Variants in CDKL2 observed in about 807,000 individuals in gnomAD.
CDKL2 encodes cyclin-dependent kinase-like 2.
In CDKL2, 64 loss-of-function variants were observed where a neutral mutation model predicts 63.9. That is an observed-to-expected ratio of 1.00 (90% CI 0.82 to 1.23). The LOEUF (loss-of-function observed/expected upper bound fraction) is 1.23, where lower values mean the gene tolerates loss of function less well. CDKL2 is among the 50% of genes most tolerant of loss of function. The pLI, the probability that CDKL2 is intolerant of heterozygous loss-of-function variation, is 0.00. For missense variants in CDKL2, 656 were observed against 668.0 expected (o/e 0.98, Z 0.20); for synonymous variants, 211 against 229.2 (o/e 0.92, Z 0.72).
Position 75,605,570 on chromosome 4 carries a change from G to T in CDKL2, c.607C>A (p.Pro203Thr). ...AGCTGATCAATATCAGAATCTCCAG[G>T]AAATAGGGGTTCCCCCATGAACATT... ...TEMFMGEPLF[P>T]GDSDIDQLYH... The change falls in exon 5 of 14, where the codon CCT (proline) becomes ACT (threonine). Residue 203 changes from proline (P) to threonine (T), a missense_variant. Coordinates refer to ENST00000307465, the MANE Select transcript of CDKL2 (RefSeq NM_001330724.2). 1 of 1,613,330 alleles carries T rather than the reference G, an allele frequency of 6.2e-7. No homozygotes were observed. Among genetic ancestry groups the T allele is most frequent in the Non-Finnish European group, 8.5e-7 (1 of 1,179,360 alleles).
At chr4:75,601,430 A>G (rs1729185686) in intron 6 of CDKL2, among the ~76,000 whole-genome samples, 1 of 152,130 alleles carries the variant, frequency 6.6e-6, no homozygotes, top group South Asian at 2.1e-4. Context: ...TTAAATGAAC[A>G]AGAAAATTTC....
At chr4:75,586,020 A>G (rs1315384307) in intron 12 of CDKL2, among the ~76,000 whole-genome samples, 1 of 152,210 alleles carries the variant, frequency 6.6e-6, no homozygotes, top group African/African-American at 2.4e-5. Flanking sequence ...TAGACCGTAG[A>G]CCATAAAACA....
chr4:75,625,810 C>A lies in CDKL2; in HGVS notation c.168+11G>T, dbSNP rs1221881395. 6.3e-7 allele frequency: 1 copy of A among 1,597,214 alleles called. No homozygotes were observed. The highest frequency in any genetic ancestry group is 1.7e-5 in the Admixed American group (1 of 58,178). ...CTCATATTTTTTGATTCAATATATG[C>A]ATTTACTCACCTTTAGTAACTTGAT... On this transcript the variant is annotated intron_variant, in intron 2 of 13. Coordinates refer to ENST00000307465, the MANE Select transcript of CDKL2 (RefSeq NM_001330724.2).
At chr4:75,589,558 C>T (rs1728620524) in intron 12 of CDKL2, among the ~76,000 whole-genome samples, 1 of 151,860 alleles carries the variant, frequency 6.6e-6, no homozygotes, top group Admixed American at 6.6e-5. Context: ...CCCGCCTCGG[C>T]CTCCCAAAGT....
rs890765048 is a variant in CDKL2 at position 75,614,833 on chromosome 4, C to T, written c.169-384G>A. Among the ~76,000 whole-genome samples, 5 of 129,344 alleles carry T rather than the reference C, an allele frequency of 3.9e-5. No homozygotes were observed. In the East Asian group the frequency reaches 5.9e-4, roughly 15 times the overall value. The allele number at this position is 129,344 out of a possible 152,430, so 84.9% of individuals were successfully genotyped here. A position where few individuals can be genotyped will look rare whatever the true frequency, so the allele number is the denominator to read the frequency against. ...TCATCTGTGGCTACAAAGCTGGAAG[C>T]GTAAGAGTTCTCTGAAGCCAGTGAC... is the stretch of plus-strand genomic sequence containing the variant. On this transcript the variant is annotated intron_variant, in intron 2 of 13. Coordinates refer to ENST00000307465, the MANE Select transcript of CDKL2 (RefSeq NM_001330724.2).
chr4:75,598,230 AAAAT>A lies in CDKL2; in HGVS notation c.885-22_885-19del, dbSNP rs781777024. On this transcript the variant is annotated intron_variant, in intron 7 of 13. Transcript: ENST00000307465. ...GGGAAAACCTACATAAAAATATAAT[AAAAT>A]AAAATTGTAAGACATGGATAAACCT... 1 of 1,324,210 alleles carries A rather than the reference AAAAT, an allele frequency of 7.6e-7. No individual in the cohort carries two copies. Among genetic ancestry groups the A allele is most frequent in the Non-Finnish European group, 1.0e-6 (1 of 972,318 alleles). 82.0% of individuals were successfully genotyped at this position (1,324,210 alleles called of 1,614,324 possible).
intron 2 of CDKL2, among the ~76,000 whole-genome samples, chr4:75,625,027 CAAT>C (rs1466486199): frequency 6.6e-6 from 1 of 151,994 alleles, no homozygotes; most frequent in African/African-American, 2.4e-5. Flanking sequence ...GTAGAAAAAT[CAAT>C]AATCACAAAG....
chr4:75,589,818 A>C (rs1439538215), intron 12 of CDKL2, among the ~76,000 whole-genome samples: 2 of 152,134 alleles, frequency 1.3e-5, no homozygotes, highest in Non-Finnish European at 2.9e-5. Context: ...ATCTCTAAAA[A>C]AAAAAAAAAT....
intron 2 of CDKL2, among the ~76,000 whole-genome samples, chr4:75,616,317 A>G (rs1729923559): frequency 1.3e-5 from 2 of 151,952 alleles, no homozygotes; most frequent in African/African-American, 4.8e-5. Context: ...AAATTAAAAA[A>G]TGAAAAAAGA....
intron 12 of CDKL2, among the ~76,000 whole-genome samples, chr4:75,584,121 T>C (rs1485427259): frequency 3.3e-5 from 5 of 152,246 alleles, no homozygotes; most frequent in Non-Finnish European, 7.3e-5. Context: ...TTGTTACTAA[T>C]TAGCTGTTAA....
chr4:75,586,371 G>A (rs1355526823), intron 12 of CDKL2, among the ~76,000 whole-genome samples: 14 of 151,776 alleles, frequency 9.2e-5, no homozygotes, highest in African/African-American at 2.7e-4. Flanking sequence ...GACTACAGGC[G>A]CCTGCCACCA....
intron 1 of CDKL2, among the ~76,000 whole-genome samples, chr4:75,626,481 A>G (rs1730417805): frequency 6.6e-6 from 1 of 152,104 alleles, no homozygotes; most frequent in Non-Finnish European, 1.5e-5. Context: ...CCTGGCTAAC[A>G]CGGTGAAACC....
In CDKL2 at chr4:75,591,016, C is replaced by T. The variant is rs113801026; in HGVS notation, c.1647+803G>A. Among the ~76,000 whole-genome samples the T allele has an allele frequency of 5.0e-3, 752 of 151,864 alleles. 8 individuals are homozygous for T. The highest frequency in any genetic ancestry group is 0.018 in the African/African-American group (726 of 41,408). ...GCTGTTGATATAAAGGTAATAGAAA[C>T]ACATATATTCTGAAAAGTTAAGAGC... On this transcript the variant is annotated intron_variant, in intron 12 of 13. Transcript: ENST00000307465.
In CDKL2 at chr4:75,630,456, G is replaced by A. The variant is rs1233484512; in HGVS notation, c.-444C>T. The A allele has an allele frequency of 6.6e-6, 1 of 152,398 alleles. No homozygotes were observed. The highest frequency in any genetic ancestry group is 1.5e-5 in the Non-Finnish European group (1 of 68,126). The allele number at this position is 152,398 out of a possible 1,614,324, so 9.4% of individuals were successfully genotyped here. A position where few individuals can be genotyped will look rare whatever the true frequency, so the allele number is the denominator to read the frequency against. Reference sequence around the variant, plus strand: ...CACCTCCCAGCTCGTAAGGCGCCCAGTACCTGGAGCCTGGGAACCTGCACC... The same window carrying A: ...CACCTCCCAGCTCGTAAGGCGCCCAATACCTGGAGCCTGGGAACCTGCACC... On this transcript the variant is annotated 5_prime_UTR_variant, in exon 1 of 14. Transcript: ENST00000307465.
intron 12 of CDKL2, 146 bp from the exon 13 acceptor site, chr4:75,582,044 A>G (rs551704415): frequency 1.6e-6 from 1 of 618,014 alleles, no homozygotes; most frequent in Admixed American, 2.7e-5. Flanking sequence ...AGAATGAAGT[A>G]AGGGGACATT....
intron 10 of CDKL2, among the ~76,000 whole-genome samples, chr4:75,592,835 A>C (rs1479410521): frequency 1.3e-5 from 2 of 152,196 alleles, no homozygotes; most frequent in Non-Finnish European, 2.9e-5. Flanking sequence ...TTATAACTTC[A>C]ATTATTTTCC....
At chr4:75,596,478 A>G (rs1728939914) in intron 9 of CDKL2, 138 bp from the exon 10 acceptor site, 1 of 629,964 alleles carries the variant, frequency 1.6e-6, no homozygotes, top group Non-Finnish European at 2.8e-6. Context: ...TACAATGCAC[A>G]TAAATCTGGT....
intron 2 of CDKL2, among the ~76,000 whole-genome samples, chr4:75,625,054 T>C (rs926287055): frequency 6.6e-6 from 1 of 152,222 alleles, no homozygotes; most frequent in African/African-American, 2.4e-5. Flanking sequence ...GACTTTAACA[T>C]ATTTCTTCTC....
chr4:75,625,227 A>C lies in CDKL2; in HGVS notation c.168+594T>G, dbSNP rs1342071010. 2.0e-5 allele frequency among the ~76,000 whole-genome samples: 3 copies of C among 152,202 alleles called. No homozygotes were observed. In the East Asian group the frequency reaches 5.8e-4, roughly 29 times the overall value. On this transcript the variant is annotated intron_variant, in intron 2 of 13. Transcript: ENST00000307465. ...AGCAAATATCAAGAAATTTCAAAGAAATAAATTCTTATATGGTGTATACTC... is the reference window on the plus strand; with the variant it reads ...AGCAAATATCAAGAAATTTCAAAGACATAAATTCTTATATGGTGTATACTC...
Sources: allele counts gnomAD v4.1 joint callset (sites outside exome capture counted in the v4.1 genomes callset), GRCh38; gene constraint gnomAD v4.1.1; transcripts MANE v1.5; gene names NCBI Gene and HGNC (gene_info 2026-07-23, HGNC 2026-07-21).